The following KIF6 variants were observed in gnomAD, a reference collection of about 807,000 sequenced individuals.
KIF6 encodes the protein kinesin family member 6, also known as kinesin-like protein KIF6.
KIF6 carries 106 observed loss-of-function variants against 112.7 expected under a neutral mutation model. The ratio of observed to expected loss-of-function variants is 0.94; its 90% confidence interval spans 0.80 to 1.11. The LOEUF (loss-of-function observed/expected upper bound fraction) is 1.11. Among genes scored for constraint, KIF6 ranks in the 50% least tolerant of loss-of-function variants. The pLI, the probability that KIF6 is intolerant of heterozygous loss-of-function variation, is 0.00. For missense variants in KIF6, 929 were observed against 964.0 expected, an observed-to-expected ratio of 0.96 and a Z score of 0.48; for synonymous variants, 339 against 339.9, an observed-to-expected ratio of 1.00 and a Z score of 0.03.
chr6:39,716,075 A>G (rs1381424916), intron 2 of KIF6, among the ~76,000 whole-genome samples: 1 of 152,144 alleles, frequency 6.6e-6, no homozygotes, highest in East Asian at 1.9e-4. Context: ...CCACTTCTTT[A>G]AAAAAAGAGT....
At chr6:39,407,682 C>T (rs930372323) in intron 15 of KIF6, among the ~76,000 whole-genome samples, 3 of 152,156 alleles carry the variant, frequency 2.0e-5, no homozygotes, top group Non-Finnish European at 4.4e-5. Context: ...ATATTTTCAG[C>T]AGTAAACTCA....
chr6:39,537,858 C>A (rs1356424794), intron 13 of KIF6, among the ~76,000 whole-genome samples: 1 of 152,084 alleles, frequency 6.6e-6, no homozygotes, highest in East Asian at 1.9e-4. Flanking sequence ...GGTACTGGTA[C>A]CAAAACAGAG....
intron 13 of KIF6, among the ~76,000 whole-genome samples, chr6:39,482,761 A>G (rs1284022815): frequency 2.0e-5 from 3 of 152,194 alleles, no homozygotes; most frequent in African/African-American, 7.2e-5. Flanking sequence ...ACTGAGAAAC[A>G]TTTTGAAGCC....
chr6:39,406,593 A>G (rs528417341), intron 15 of KIF6, among the ~76,000 whole-genome samples: 41 of 152,216 alleles, frequency 2.7e-4, no homozygotes, highest in Admixed American at 4.6e-4. Flanking sequence ...ATATGTGTTG[A>G]ATGCTATAAA....
At chr6:39,604,367 A>G (rs945928571) in intron 6 of KIF6, among the ~76,000 whole-genome samples, 2 of 152,148 alleles carry the variant, frequency 1.3e-5, no homozygotes, top group African/African-American at 4.8e-5. Context: ...CTCAGCCTGG[A>G]AAAGTGAGAC....
chr6:39,360,565 T>A (rs1329829356), intron 17 of KIF6, 35 bp from the exon 18 acceptor site: 5 of 1,613,528 alleles, frequency 3.1e-6, no homozygotes, highest in Non-Finnish European at 4.2e-6. Context: ...AGGGCACTGC[T>A]GTCTTGAAAG....
At chr6:39,477,237 C>A (rs949011181) in intron 13 of KIF6, among the ~76,000 whole-genome samples, 1 of 152,124 alleles carries the variant, frequency 6.6e-6, no homozygotes, top group Non-Finnish European at 1.5e-5. Flanking sequence ...GGGAATCAGG[C>A]AATCCCAGGT....
At chr6:39,356,491 C>T (rs891358086) in intron 19 of KIF6, among the ~76,000 whole-genome samples, 8 of 152,310 alleles carry the variant, frequency 5.3e-5, no homozygotes, top group Admixed American at 1.3e-4. Flanking sequence ...TCTTGAACTC[C>T]TGACCTCAGG....
At chr6:39,534,970 T>C (rs1204523755) in intron 13 of KIF6, among the ~76,000 whole-genome samples, 5 of 152,236 alleles carry the variant, frequency 3.3e-5, no homozygotes, top group Middle Eastern at 3.4e-3. Context: ...CTAAGCTTCA[T>C]AAGTGAAGGA....
chr6:39,719,563 C>G (rs1026522321), intron 2 of KIF6, among the ~76,000 whole-genome samples: 8 of 152,010 alleles, frequency 5.3e-5, no homozygotes, highest in African/African-American at 1.9e-4. Flanking sequence ...CCCCAGAAAT[C>G]AAAAGTGGAG....
chr6:39,460,536 T>TAAAAAAAAAAAAAAAAAAAAAAAAGA (rs1773409183), intron 13 of KIF6, among the ~76,000 whole-genome samples: 39 of 56,940 alleles, frequency 6.8e-4, no homozygotes, highest in Admixed American at 1.1e-3. Context: ...AAAAAAAAAG[T>TAAAAAAAAAAAAAAAAAAAAAAAAGA]AAAAAAAAAA....
intron 22 of KIF6, among the ~76,000 whole-genome samples, chr6:39,337,172 C>CTTCTTTCTTTCT (rs71543959): frequency 0.058 from 3,450 of 59,324 alleles, 255 homozygotes; most frequent in Non-Finnish European, 0.07. Context: ...TCTTTCCTTC[C>CTTCTTTCTTTCT]TTCTTTCTTT....
At position 39,596,039 on chromosome 6, in the gene KIF6, C is replaced by T; in HGVS notation, c.846+15G>A. 1 of 1,603,322 alleles carries T rather than the reference C, an allele frequency of 6.2e-7. No homozygotes were observed. Among genetic ancestry groups the T allele is most frequent in the Non-Finnish European group, 8.5e-7 (1 of 1,170,316 alleles). ...TAGCTATAGTTATTAATACATCCCA[C>T]TCTGCCCATTTTACCTGTTCTAAGT... is the stretch of plus-strand genomic sequence containing the variant. On this transcript the variant is annotated intron_variant, in intron 7 of 22. Transcript: ENST00000287152.
chr6:39,557,646 C>A (rs965644238), intron 10 of KIF6, among the ~76,000 whole-genome samples: 2 of 151,958 alleles, frequency 1.3e-5, no homozygotes, highest in African/African-American at 4.8e-5. Context: ...TATACAGAGA[C>A]AACCAACAAA....
intron 9 of KIF6, among the ~76,000 whole-genome samples, chr6:39,580,558 C>T (rs1781230388): frequency 6.6e-6 from 1 of 152,130 alleles, no homozygotes; most frequent in South Asian, 2.1e-4. Flanking sequence ...AAAATTTCAC[C>T]TTTAAAATGA....
chr6:39,396,626 T>A (rs1768289564), intron 15 of KIF6, among the ~76,000 whole-genome samples: 1 of 152,182 alleles, frequency 6.6e-6, no homozygotes, highest in African/African-American at 2.4e-5. Flanking sequence ...CCTCCTACTG[T>A]GACCCTAGGC....
rs11755604 is a variant in KIF6 at position 39,602,809 on chromosome 6, A to C, written c.640-6549T>G. ...TCTTCAATTGCCTTTTCTCCTGTCT[A>C]GAATGTCCTCTAGCTTATCACTCAA... is the stretch of plus-strand genomic sequence containing the variant. On this transcript the variant is annotated intron_variant, in intron 6 of 22. Transcript: ENST00000287152. 3.7e-3 allele frequency among the ~76,000 whole-genome samples: 564 copies of C among 152,264 alleles called. 3 individuals are homozygous for C. Among genetic ancestry groups the C allele is most frequent in the Non-Finnish European group, 6.4e-3 (435 of 68,012 alleles).
In KIF6 at chr6:39,536,484, C is replaced by T. The variant is rs1269492528; in HGVS notation, c.1645+3519G>A. ...ATCTAGAAGAAATGGATAAATTCCT[C>T]GACACATACACTCTCCCAAGACTAA... is the stretch of plus-strand genomic sequence containing the variant. On this transcript the variant is annotated intron_variant, in intron 13 of 22. Transcript: ENST00000287152. Among the ~76,000 whole-genome samples the T allele has an allele frequency of 8.6e-3, 1,296 of 151,292 alleles. 16 individuals are homozygous for T. The highest frequency in any genetic ancestry group is 0.029 in the African/African-American group (1,216 of 41,258).
At chr6:39,370,861 C>T (rs1412619106) in intron 16 of KIF6, among the ~76,000 whole-genome samples, 7 of 151,866 alleles carry the variant, frequency 4.6e-5, no homozygotes, top group Non-Finnish European at 8.8e-5. Context: ...GCACTACTGT[C>T]GATTTTTATT....
Sources: allele counts gnomAD v4.1 joint callset (sites outside exome capture counted in the v4.1 genomes callset), GRCh38; gene constraint gnomAD v4.1.1; transcripts MANE v1.5; gene names NCBI Gene and HGNC (gene_info 2026-07-23, HGNC 2026-07-21).